The following RBM43 variants were observed in gnomAD, a reference collection of about 807,000 sequenced individuals.
The protein encoded by RBM43 is RNA-binding protein 43.
In RBM43, 12 loss-of-function variants were observed where a neutral mutation model predicts 12.4. The observed-to-expected ratio is 0.97, with a 90% CI of 0.62 to 1.57. The LOEUF (loss-of-function observed/expected upper bound fraction) is 1.57. RBM43 is among the 40% of genes most tolerant of loss of function. The probability of loss-of-function intolerance (pLI) is 0.00; values close to 1 mark genes in which losing one functional copy is unlikely to be tolerated. For synonymous variants in RBM43, 138 were observed against 145.7 expected (o/e 0.95, Z 0.38); for missense variants, 348 against 400.1 (o/e 0.87, Z 1.11).
rs1056452991 is a variant in RBM43, at chr2:151,251,451, CT to C, written c.528del (p.Asp177ThrfsTer33). ...CTCTCCTCACTGGTAAAATTTCTGT[CT>C]TTTTCTAAGAGAGAACATGCTCTTG... ...LLARACSLLE[K>X]DRNFTSEERK... On this transcript the variant is annotated frameshift_variant, in exon 4 of 4. Transcript: ENST00000331426. LOFTEE classifies it low-confidence loss of function (END_TRUNC). 18 of 1,614,144 alleles carry C rather than the reference CT, an allele frequency of 1.1e-5. No individual in the cohort carries two copies. In the East Asian group the frequency reaches 4.0e-4, roughly 36 times the overall value.
intron 1 of RBM43, among the ~76,000 whole-genome samples, chr2:151,256,700 T>C (rs1682980293): frequency 6.6e-6 from 1 of 152,214 alleles, no homozygotes; most frequent in African/African-American, 2.4e-5. Context: ...GCGCCTGTAA[T>C]CCCAGCTACT....
rs1414887415 is a variant in RBM43, at chr2:151,248,615, G to C, written c.*2291C>G. 1 of 152,012 alleles carries C rather than the reference G, an allele frequency of 6.6e-6. No individual in the cohort carries two copies. The highest frequency in any genetic ancestry group is 6.6e-5 in the Admixed American group (1 of 15,256). 9.4% of individuals were successfully genotyped at this position (152,012 alleles called of 1,614,324 possible). A position where few individuals can be genotyped will look rare whatever the true frequency, so the allele number is the denominator to read the frequency against. ...ATGAAATATGCATATCTTATTTGGA[G>C]TGTATGATTTTATAGCCTCCATCTT... On this transcript the variant is annotated 3_prime_UTR_variant, in exon 4 of 4. Transcript: ENST00000331426.
rs1682867464 is a variant in RBM43, at chr2:151,249,558, T to C, written c.*1348A>G. The C allele has an allele frequency of 6.6e-6, 1 of 152,198 alleles. No individual in the cohort carries two copies. Among genetic ancestry groups the C allele is most frequent in the Non-Finnish European group, 1.5e-5 (1 of 68,174 alleles). 9.4% of individuals were successfully genotyped at this position (152,198 alleles called of 1,614,324 possible). A position where few individuals can be genotyped will look rare whatever the true frequency, so the allele number is the denominator to read the frequency against. On this transcript the variant is annotated 3_prime_UTR_variant, in exon 4 of 4. Coordinates refer to ENST00000331426, the MANE Select transcript of RBM43 (RefSeq NM_198557.3). ...CACCACCATGCCCGGCTAATTTTTGTATTTTTAGTAGAGATGGGGTTTTAC... is the reference window on the plus strand; with the variant it reads ...CACCACCATGCCCGGCTAATTTTTGCATTTTTAGTAGAGATGGGGTTTTAC...
chr2:151,260,623 G>C (rs892824876), intron 1 of RBM43, among the ~76,000 whole-genome samples: 1 of 152,302 alleles, frequency 6.6e-6, no homozygotes, highest in Middle Eastern at 3.4e-3. Flanking sequence ...TAGTTTCTAT[G>C]AATCATCTAA....
At position 151,258,673 on chromosome 2, in the gene RBM43, C is replaced by A. The variant is rs377178651; in HGVS notation, c.4-2930G>T. The stretch of plus-strand genomic sequence containing the variant: ...CCAGGATGGCACCACTGCACTCCAG[C>A]CTGGGTGACAGAGCAAGGCTCTGTC... On this transcript the variant is annotated intron_variant, in intron 1 of 3. Coordinates refer to ENST00000331426, the MANE Select transcript of RBM43 (RefSeq NM_198557.3). 1.3e-5 allele frequency among the ~76,000 whole-genome samples: 2 copies of A among 152,082 alleles called. 1 individual carries two copies. The highest frequency in any genetic ancestry group is 4.1e-4 in the South Asian group (2 of 4,822).
At chr2:151,257,997 A>C (rs1483978133) in intron 1 of RBM43, among the ~76,000 whole-genome samples, 1 of 152,156 alleles carries the variant, frequency 6.6e-6, no homozygotes, top group Non-Finnish European at 1.5e-5. Flanking sequence ...TAAACCAGGG[A>C]GGCGGATGTT....
chr2:151,252,779 G>A lies in RBM43; in HGVS notation c.291C>T (p.Leu97=). The part of the protein sequence containing the change: ...KTRHAELTVS[L]RVSHFGDKIF... ...CCTTGTCACCAAAATGAGAGACTCT[G>A]AGAGAGACTGTGAGTTCAGCATGTC... is the stretch of plus-strand genomic sequence containing the variant. Residue 97 remains leucine (L), a synonymous_variant, in exon 3 of 4, where the codon CTC becomes CTT. Transcript: ENST00000331426. The A allele has an allele frequency of 6.2e-7, 1 of 1,604,472 alleles. No homozygotes were observed. The highest frequency in any genetic ancestry group is 8.5e-7 in the Non-Finnish European group (1 of 1,171,454).
At chr2:151,253,252 G>A (rs1208049162) in intron 2 of RBM43, among the ~76,000 whole-genome samples, 2 of 152,070 alleles carry the variant, frequency 1.3e-5, no homozygotes, top group Admixed American at 1.3e-4. Flanking sequence ...CCATTCTCTA[G>A]ATGTTGGCGA....
At chr2:151,254,177 A>G (rs534622926) in intron 2 of RBM43, among the ~76,000 whole-genome samples, 4 of 151,978 alleles carry the variant, frequency 2.6e-5, no homozygotes, top group African/African-American at 9.6e-5. Flanking sequence ...ACATCTCAAG[A>G]AAAAAAAGGC....
chr2:151,249,016 A>C lies in RBM43; in HGVS notation c.*1890T>G, dbSNP rs1293584181. ...GAGGGGGAAAGACCTCTCCCTAATCATATCCCAAATAAAACAGAACTCGAA... is the reference window on the plus strand; with the variant it reads ...GAGGGGGAAAGACCTCTCCCTAATCCTATCCCAAATAAAACAGAACTCGAA... On this transcript the variant is annotated 3_prime_UTR_variant, in exon 4 of 4. Transcript: ENST00000331426. 6.6e-6 allele frequency: 1 copy of C among 152,158 alleles called. No individual in the cohort carries two copies. Among genetic ancestry groups the C allele is most frequent in the Non-Finnish European group, 1.5e-5 (1 of 68,036 alleles). 9.4% of individuals were successfully genotyped at this position (152,158 alleles called of 1,614,324 possible).
At chr2:151,253,235 T>C (rs1232013716) in intron 2 of RBM43, among the ~76,000 whole-genome samples, 1 of 152,266 alleles carries the variant, frequency 6.6e-6, no homozygotes, top group East Asian at 1.9e-4. Context: ...CTAATCCTCC[T>C]CTCTTCCCAT....
chr2:151,251,711 A>G, intron 3 of RBM43, 47 bp from the exon 4 acceptor site: 1 of 1,525,852 alleles, frequency 6.6e-7, no homozygotes, highest in Non-Finnish European at 8.9e-7. Context: ...CTAGTGGGAA[A>G]GACTACATAA....
At position 151,251,020 on chromosome 2, in the gene RBM43, GT is replaced by G; in HGVS notation, c.959del (p.Tyr320SerfsTer5). ...KRACEQLSSR[Y>X]LEVLINLYRT... ...TATAAAGGTTAATCAGGACTTCAAG[GT>G]ATCTCGAACTTAATTGTTCACATGC... On this transcript the variant is annotated frameshift_variant, in exon 4 of 4. Coordinates refer to ENST00000331426, the MANE Select transcript of RBM43 (RefSeq NM_198557.3). LOFTEE classifies it low-confidence loss of function (END_TRUNC). 6.2e-7 allele frequency: 1 copy of G among 1,613,830 alleles called. No individual in the cohort carries two copies. Among genetic ancestry groups the G allele is most frequent in the Non-Finnish European group, 8.5e-7 (1 of 1,179,762 alleles).
In RBM43 at chr2:151,249,262, T is replaced by A. The variant is rs1455563443; in HGVS notation, c.*1644A>T. The A allele has an allele frequency of 5.3e-5, 8 of 152,114 alleles. No individual in the cohort carries two copies. Among genetic ancestry groups the A allele is most frequent in the African/African-American group, 1.4e-4 (6 of 41,412 alleles). 9.4% of individuals were successfully genotyped at this position (152,114 alleles called of 1,614,324 possible). ...GAAAATGTAGACACAAAACTAAATT[T>A]AATGTTTTGAGAAGAAAGAATTTCA... On this transcript the variant is annotated 3_prime_UTR_variant, in exon 4 of 4. Coordinates refer to ENST00000331426, the MANE Select transcript of RBM43 (RefSeq NM_198557.3).
rs1313827928 is a variant in RBM43 at position 151,257,329 on chromosome 2, CACAA to C, written c.4-1590_4-1587del. 2.7e-5 allele frequency among the ~76,000 whole-genome samples: 4 copies of C among 149,212 alleles called. No homozygotes were observed. The South Asian group carries it at 8.3e-4, about 31-fold the overall frequency. On this transcript the variant is annotated intron_variant, in intron 1 of 3. Transcript: ENST00000331426. ...GTGCACAAACACACACACACACACA[CACAA>C]ACACACACACACACACACAGTGTCC...
rs759856441 is a variant in RBM43 at position 151,261,730 on chromosome 2, C to G, written c.-3G>C. 1.2e-6 allele frequency: 2 copies of G among 1,602,250 alleles called. No homozygotes were observed. The highest frequency in any genetic ancestry group is 1.7e-6 in the Non-Finnish European group (2 of 1,174,866). The stretch of plus-strand genomic sequence containing the variant: ...CCAAAGCAAAAGCAACTTGCCATGG[C>G]GGAGGGGAGACGCGCCCTCAGCGGC... On this transcript the variant is annotated 5_prime_UTR_variant, in exon 1 of 4. Transcript: ENST00000331426.
intron 1 of RBM43, 126 bp downstream of exon 1, chr2:151,261,599 C>T: frequency 6.5e-7 from 1 of 1,536,592 alleles, no homozygotes; most frequent in Non-Finnish European, 8.8e-7. Context: ...CCCCTCCGTG[C>T]GCCGCCCCCT....
At chr2:151,259,444 G>C (rs953502110) in intron 1 of RBM43, among the ~76,000 whole-genome samples, 5 of 152,022 alleles carry the variant, frequency 3.3e-5, no homozygotes, top group African/African-American at 1.2e-4. Context: ...TCAGGAGTTC[G>C]AGATCAGCCT....
rs1184783725 is a variant in RBM43 at position 151,252,798 on chromosome 2, G to T, written c.272C>A (p.Ala91Asp). ...KHWLARKTRH[A>D]ELTVSLRVSH... is the part of the protein sequence containing the mutation. Reference sequence around the variant, plus strand: ...GACTCTGAGAGAGACTGTGAGTTCAGCATGTCTAGTCTTCCTTGCTAGCCA... The same window carrying T: ...GACTCTGAGAGAGACTGTGAGTTCATCATGTCTAGTCTTCCTTGCTAGCCA... The change falls in exon 3 of 4, where the codon GCT becomes GAT. Residue 91 changes from alanine (A) to aspartate (D), a missense_variant. Transcript: ENST00000331426. 6.2e-7 allele frequency: 1 copy of T among 1,611,722 alleles called. No individual in the cohort carries two copies. Among genetic ancestry groups the T allele is most frequent in the Non-Finnish European group, 8.5e-7 (1 of 1,178,016 alleles).
Sources: gnomAD v4.1 joint callset for allele counts (sites outside exome capture counted in the v4.1 genomes callset) on GRCh38, gnomAD v4.1.1 for gene constraint, MANE v1.5 for transcripts, NCBI Gene and HGNC (gene_info 2026-07-23, HGNC 2026-07-21) for gene names.